ALPL: variants seen among roughly 807,000 people sequenced by gnomAD.
The protein encoded by ALPL is alkaline phosphatase, biomineralization associated, also known as alkaline phosphatase, tissue-nonspecific isozyme.
In ALPL, 42 loss-of-function variants were observed where a neutral mutation model predicts 51.3. That is an observed-to-expected ratio of 0.82 (90% CI 0.64 to 1.06). ALPL has a LOEUF of 1.06. Ranked by LOEUF, ALPL falls within the 50% of genes least tolerant of loss-of-function variation. The pLI is 0.00. For synonymous variants in ALPL, 279 were observed against 296.4 expected, an observed-to-expected ratio of 0.94 and a Z score of 0.60; for missense variants, 589 against 709.4, an observed-to-expected ratio of 0.83 and a Z score of 1.93.
rs539397647 is a variant in ALPL, at chr1:21,538,162, C to T, written c.-104-15816C>T. ...CACTGAATTCTTGTTCCTCCAGTGA[C>T]GTAGGCTCTCACCAGGATGGTCCCC... On this transcript the variant is annotated intron_variant, in intron 1 of 11. Coordinates refer to ENST00000374840, the MANE Select transcript of ALPL (RefSeq NM_000478.6). Among the ~76,000 whole-genome samples the T allele has an allele frequency of 5.9e-5, 9 of 152,322 alleles. No individual in the cohort carries two copies. In the South Asian group the frequency reaches 6.2e-4, roughly 11 times the overall value.
chr1:21,540,676 C>T (rs556366340), intron 1 of ALPL, among the ~76,000 whole-genome samples: 1 of 152,302 alleles, frequency 6.6e-6, no homozygotes, highest in African/African-American at 2.4e-5. Flanking sequence ...TCCCTGAACC[C>T]CAAACTCCAC....
At chr1:21,511,794 T>A (rs559921898) in intron 1 of ALPL, among the ~76,000 whole-genome samples, 2 of 151,386 alleles carry the variant, frequency 1.3e-5, no homozygotes, top group East Asian at 3.9e-4. Context: ...CTCAGCCCTG[T>A]TCTGTCCCAT....
At chr1:21,576,147 A>G (rs1305251500) in intron 10 of ALPL, among the ~76,000 whole-genome samples, 2 of 151,852 alleles carry the variant, frequency 1.3e-5, no homozygotes, top group African/African-American at 4.8e-5. Context: ...ATGGATGGCC[A>G]CGTTGACCAT....
intron 1 of ALPL, among the ~76,000 whole-genome samples, chr1:21,537,204 T>C (rs1644120735): frequency 6.6e-6 from 1 of 152,156 alleles, no homozygotes; most frequent in Non-Finnish European, 1.5e-5. Context: ...CCAGGTTCCT[T>C]CCCTTCTAAG....
rs564253293 is a variant in ALPL, at chr1:21,518,035, G to A, written c.-105+8518G>A. Among the ~76,000 whole-genome samples the A allele has an allele frequency of 3.9e-5, 6 of 152,084 alleles. No individual in the cohort carries two copies. In the South Asian group the frequency reaches 1.0e-3, roughly 26 times the overall value. ...CAGGTGGCACCCAGTTCAGTGTCACGGTGCTCCTTGGTCTTCTTTTCCTTG... is the reference window on the plus strand; with the variant it reads ...CAGGTGGCACCCAGTTCAGTGTCACAGTGCTCCTTGGTCTTCTTTTCCTTG... On this transcript the variant is annotated intron_variant, in intron 1 of 11. Coordinates refer to ENST00000374840, the MANE Select transcript of ALPL (RefSeq NM_000478.6).
At chr1:21,531,918 G>T (rs1429602517) in intron 1 of ALPL, among the ~76,000 whole-genome samples, 1 of 147,410 alleles carries the variant, frequency 6.8e-6, no homozygotes, top group Admixed American at 7.0e-5. Flanking sequence ...ACACACACTA[G>T]TTTAAACTCT....
intron 1 of ALPL, among the ~76,000 whole-genome samples, chr1:21,552,590 T>C (rs758920027): frequency 8.5e-5 from 13 of 152,110 alleles, no homozygotes; most frequent in Non-Finnish European, 1.9e-4. Context: ...ACAAAAATTT[T>C]TCTTAGAGAC....
chr1:21,534,000 G>A (rs1396943781), intron 1 of ALPL, among the ~76,000 whole-genome samples: 1 of 152,116 alleles, frequency 6.6e-6, no homozygotes, highest in Non-Finnish European at 1.5e-5. Flanking sequence ...AATACAGGCA[G>A]ATGGGAAAGC....
At chr1:21,523,800 G>A (rs527822287) in intron 1 of ALPL, among the ~76,000 whole-genome samples, 3 of 152,168 alleles carry the variant, frequency 2.0e-5, no homozygotes, top group East Asian at 1.9e-4. Context: ...CCAGCAGCTC[G>A]TGGAGCTAGT....
At chr1:21,545,860 G>A (rs1644247737) in intron 1 of ALPL, among the ~76,000 whole-genome samples, 1 of 151,944 alleles carries the variant, frequency 6.6e-6, no homozygotes, top group Non-Finnish European at 1.5e-5. Context: ...TCTGTTGCCA[G>A]GCTGGAGTAC....
chr1:21,561,227 C>G lies in ALPL; in HGVS notation c.297+15C>G. ...CCCTCTCCAAGGTGAGCCCCATCCC[C>G]AAGCCCAGTTCAGGTCTGTATATCC... On this transcript the variant is annotated intron_variant, in intron 4 of 11. Transcript: ENST00000374840. 6.3e-7 allele frequency: 1 copy of G among 1,588,366 alleles called. No homozygotes were observed. The highest frequency in any genetic ancestry group is 8.6e-7 in the Non-Finnish European group (1 of 1,164,782).
At chr1:21,529,449 G>T (rs1330470392) in intron 1 of ALPL, among the ~76,000 whole-genome samples, 1 of 152,010 alleles carries the variant, frequency 6.6e-6, no homozygotes, top group East Asian at 1.9e-4. Context: ...TAGAGATGAG[G>T]TTCTTGCCAT....
intron 1 of ALPL, among the ~76,000 whole-genome samples, chr1:21,550,572 TA>T (rs1644307744): frequency 6.6e-6 from 1 of 152,114 alleles, no homozygotes; most frequent in Non-Finnish European, 1.5e-5. Flanking sequence ...TTTATTGAAA[TA>T]AAATGCACGT....
chr1:21,577,048 T>C (rs1644747046), intron 11 of ALPL, among the ~76,000 whole-genome samples: 1 of 152,184 alleles, frequency 6.6e-6, no homozygotes, highest in South Asian at 2.1e-4. Flanking sequence ...TCCCATCCCA[T>C]ATCATTCATT....
In ALPL at chr1:21,576,517, T is replaced by G; in HGVS notation, c.1190-5T>G. 1 of 1,613,724 alleles carries G rather than the reference T, an allele frequency of 6.2e-7. No individual in the cohort carries two copies. Among genetic ancestry groups the G allele is most frequent in the Non-Finnish European group, 8.5e-7 (1 of 1,179,772 alleles). ...ATGACCCCTGAACACCCCCTCCCTG[T>G]GCAGGTCTGGCCCCCATGCTGAGTG... On this transcript the variant is annotated splice_region_variant and splice_polypyrimidine_tract_variant and intron_variant, in intron 10 of 11. Transcript: ENST00000374840.
intron 7 of ALPL, 73 bp downstream of exon 7, chr1:21,568,320 A>G (rs1388379806): frequency 6.2e-7 from 1 of 1,604,488 alleles, no homozygotes; most frequent in African/African-American, 1.3e-5. Flanking sequence ...CCCTGCTCTG[A>G]AGTTCTGTTG....
chr1:21,572,252 G>A (rs886950924), intron 8 of ALPL, among the ~76,000 whole-genome samples: 7 of 152,178 alleles, frequency 4.6e-5, no homozygotes, highest in Admixed American at 2.0e-4. Flanking sequence ...CTCCCATGAG[G>A]TCACAGTCAT....
intron 2 of ALPL, among the ~76,000 whole-genome samples, chr1:21,554,940 TCTTTC>T (rs1644393674): frequency 6.6e-6 from 1 of 151,504 alleles, no homozygotes; most frequent in African/African-American, 2.4e-5. Flanking sequence ...CTTTTCTTTT[TCTTTC>T]CTTTCTTTCC....
At position 21,518,716 on chromosome 1, in the gene ALPL, A is replaced by G. The variant is rs534682134; in HGVS notation, c.-105+9199A>G. Among the ~76,000 whole-genome samples, 17 of 152,272 alleles carry G rather than the reference A, an allele frequency of 1.1e-4. 3 individuals are homozygous for G. Among genetic ancestry groups the G allele is most frequent in the African/African-American group, 3.9e-4 (16 of 41,554 alleles). On this transcript the variant is annotated intron_variant, in intron 1 of 11. Transcript: ENST00000374840. ...CTGTACCATCCCCAAGCTCTCAGCT[A>G]TGAATTTGGTTTGGGGAGAGGGCTC...
Sources: allele counts gnomAD v4.1 joint callset (sites outside exome capture counted in the v4.1 genomes callset), GRCh38; gene constraint gnomAD v4.1.1; transcripts MANE v1.5; gene names NCBI Gene and HGNC (gene_info 2026-07-23, HGNC 2026-07-21).